The following KCNG2 variants were observed in gnomAD, a reference collection of about 807,000 sequenced individuals.
KCNG2 encodes voltage-gated potassium channel regulatory subunit KCNG2.
In KCNG2, 7 loss-of-function variants were observed where a neutral mutation model predicts 12.3. The ratio of observed to expected loss-of-function variants is 0.57; its 90% CI spans 0.32 to 1.07. The LOEUF is 1.07. KCNG2 is among the 50% of genes least tolerant of loss of function. The probability of loss-of-function intolerance (pLI) is 0.04; values close to 1 mark genes in which losing one functional copy is unlikely to be tolerated. For synonymous variants in KCNG2, 414 were observed against 351.4 expected, an observed-to-expected ratio of 1.18 and a Z score of -1.99; for missense variants, 703 against 726.0, an observed-to-expected ratio of 0.97 and a Z score of 0.36.
chr18:79,806,560 GA>G (rs2087451466), intron 1 of KCNG2, among the ~76,000 whole-genome samples: 2 of 152,234 alleles, frequency 1.3e-5, no homozygotes, highest in Non-Finnish European at 2.9e-5. Flanking sequence ...GCCTTGAGAA[GA>G]AAGCACTTTA....
Position 79,899,636 on chromosome 18 carries a change from CT to C in KCNG2, c.1225del (p.Ser409ArgfsTer115), listed in dbSNP as rs1282737907. The C allele has an allele frequency of 1.2e-6, 2 of 1,604,154 alleles. No individual in the cohort carries two copies. The highest frequency in any genetic ancestry group is 1.1e-5 in the South Asian group (1 of 89,572). On this transcript the variant is annotated frameshift_variant, in exon 4 of 4. Transcript: ENST00000316249. LOFTEE classifies it low-confidence loss of function (END_TRUNC). ...AFPVTSIFHT[F>X]SRSYSELKEQ... Reference sequence around the variant, plus strand: ...TCCCGGTCACCTCCATCTTCCACACCTTTTCGCGCTCCTACTCCGAGCTCAA... The same window carrying C: ...TCCCGGTCACCTCCATCTTCCACACCTTTCGCGCTCCTACTCCGAGCTCAA...
At chr18:79,876,006 C>T (rs1240841416) in intron 3 of KCNG2, 1 of 152,402 alleles carries the variant, frequency 6.6e-6, no homozygotes, top group Admixed American at 6.5e-5. Context: ...TGCCCAGCAG[C>T]CCAGTGGCAG....
intron 2 of KCNG2, among the ~76,000 whole-genome samples, chr18:79,861,530 C>T (rs527773396): frequency 1.6e-3 from 244 of 152,250 alleles, no homozygotes; most frequent in African/African-American, 5.5e-3. Context: ...CCACCTGCCT[C>T]GGCCTCCCAA....
Position 79,814,454 on chromosome 18 carries a change from C to T in KCNG2, c.-115+16440C>T, listed in dbSNP as rs1185592767. On this transcript the variant is annotated intron_variant, in intron 1 of 3. Transcript: ENST00000316249. ...ACACACAGCAGCTTGGATGAATATC[C>T]AGGGAATTATGCTGTGTGAAGAAAG... is the stretch of plus-strand genomic sequence containing the variant. 1.1e-4 allele frequency among the ~76,000 whole-genome samples: 17 copies of T among 152,296 alleles called. No individual in the cohort carries two copies. The East Asian group carries it at 3.3e-3, about 29-fold the overall frequency.
Position 79,828,792 on chromosome 18 carries a change from GTGTC to G in KCNG2, c.-114-27583_-114-27580del, listed in dbSNP as rs562708962. Among the ~76,000 whole-genome samples the G allele has an allele frequency of 7.6e-5, 10 of 132,146 alleles. No individual in the cohort carries two copies. In the South Asian group the frequency reaches 2.4e-3, roughly 31 times the overall value. The allele number at this position is 132,146 out of a possible 152,430, so 86.7% of individuals were successfully genotyped here. A position where few individuals can be genotyped will look rare whatever the true frequency, so the allele number is the denominator to read the frequency against. On this transcript the variant is annotated intron_variant, in intron 1 of 3. Coordinates refer to ENST00000316249, the MANE Select transcript of KCNG2 (RefSeq NM_012283.2). Reference sequence around the variant, plus strand: ...GTGTGTAACGTGTCTGTGTGTGCATGTGTCTGTGTGTGGGTGTCTATGTGTGCGT... The same window carrying G: ...GTGTGTAACGTGTCTGTGTGTGCATGTGTGTGTGGGTGTCTATGTGTGCGT...
intron 1 of KCNG2, among the ~76,000 whole-genome samples, chr18:79,818,650 C>T (rs1017621502): frequency 4.6e-5 from 7 of 152,220 alleles, no homozygotes; most frequent in Non-Finnish European, 8.8e-5. Context: ...GGAAACTGCT[C>T]GTTCAAGGGC....
rs191689296 is a variant in KCNG2 at position 79,887,324 on chromosome 18, G to A, written c.625-11716G>A. ...TGCTGAGACAGCAGAGGCGGAGGCC[G>A]CCCTGGGCCAGAGGCCACGGGACTG... On this transcript the variant is annotated intron_variant, in intron 3 of 3. Transcript: ENST00000316249. Among the ~76,000 whole-genome samples, 9 of 152,156 alleles carry A rather than the reference G, an allele frequency of 5.9e-5. No homozygotes were observed. The East Asian group carries it at 9.6e-4, about 16-fold the overall frequency.
chr18:79,853,348 C>T (rs1001656370), intron 1 of KCNG2, among the ~76,000 whole-genome samples: 1 of 152,128 alleles, frequency 6.6e-6, no homozygotes. Context: ...TTTGAGCAAA[C>T]GCCGAGCGTG....
chr18:79,868,854 CG>C (rs1568264051), intron 3 of KCNG2, among the ~76,000 whole-genome samples: 2 of 152,242 alleles, frequency 1.3e-5, no homozygotes, highest in African/African-American at 4.8e-5. Flanking sequence ...GCAGTGGGAC[CG>C]TAACTCAGTG....
chr18:79,857,007 C>T (rs1317619606), intron 2 of KCNG2, among the ~76,000 whole-genome samples: 2 of 146,316 alleles, frequency 1.4e-5, no homozygotes, highest in Admixed American at 6.8e-5. Context: ...TGGGCCAGCC[C>T]TCCGTCCCAG....
Position 79,873,369 on chromosome 18 carries a change from C to T in KCNG2, c.624+9078C>T, listed in dbSNP as rs144505258. Among the ~76,000 whole-genome samples, 834 of 151,928 alleles carry T rather than the reference C, an allele frequency of 5.5e-3. 11 individuals are homozygous for T. Among genetic ancestry groups the T allele is most frequent in the African/African-American group, 0.019 (794 of 41,446 alleles). ...GCCTCCCCAGGCCTCCCCCACACTC[C>T]CGTTCCCTCTGTCACTCCCCGTGCT... is the stretch of plus-strand genomic sequence containing the variant. On this transcript the variant is annotated intron_variant, in intron 3 of 3. Transcript: ENST00000316249.
At chr18:79,809,482 CGTT>C (rs2087475881) in intron 1 of KCNG2, among the ~76,000 whole-genome samples, 2 of 104,876 alleles carry the variant, frequency 1.9e-5, no homozygotes, top group Non-Finnish European at 4.2e-5. Flanking sequence ...CCACACTCCA[CGTT>C]ATGGGCCCAG....
chr18:79,897,413 C>T (rs3930649), intron 3 of KCNG2, among the ~76,000 whole-genome samples: 2,629 of 152,072 alleles, frequency 0.017, 78 homozygotes, highest in African/African-American at 0.06. Flanking sequence ...CCAGAATTTC[C>T]GTTTGGGTAT....
chr18:79,899,447 G>A lies in KCNG2; in HGVS notation c.1032G>A (p.Glu344=). ...TCGCGCCACTGGTGCACCTGGCCGAGCGCGAGCTGGGCGCGCGCCGCGACT... is the reference window on the plus strand; with the variant it reads ...TCGCGCCACTGGTGCACCTGGCCGAACGCGAGCTGGGCGCGCGCCGCGACT... ...ALFAPLVHLA[E]RELGARRDFS... The change falls in exon 4 of 4, where the codon GAG becomes GAA. Residue 344 remains glutamate, a synonymous_variant. Transcript: ENST00000316249. The A allele has an allele frequency of 6.3e-7, 1 of 1,598,450 alleles. No individual in the cohort carries two copies. The highest frequency in any genetic ancestry group is 8.5e-7 in the Non-Finnish European group (1 of 1,174,572).
chr18:79,823,430 T>C (rs1358504010), intron 1 of KCNG2, among the ~76,000 whole-genome samples: 1 of 152,200 alleles, frequency 6.6e-6, no homozygotes, highest in African/African-American at 2.4e-5. Context: ...CTGTGCCCCG[T>C]GTCGAGCGCT....
At chr18:79,891,298 A>G (rs1427945686) in intron 3 of KCNG2, among the ~76,000 whole-genome samples, 1 of 150,918 alleles carries the variant, frequency 6.6e-6, no homozygotes, top group Non-Finnish European at 1.5e-5. Flanking sequence ...TGGCACCATC[A>G]TGGCTTACTG....
intron 1 of KCNG2, among the ~76,000 whole-genome samples, chr18:79,855,405 C>T (rs1216093642): frequency 6.6e-6 from 1 of 152,154 alleles, no homozygotes; most frequent in Non-Finnish European, 1.5e-5. Flanking sequence ...TGTCTGCAGA[C>T]CTTGCGGGCT....
At chr18:79,863,503 G>A (rs1979301842) in intron 2 of KCNG2, among the ~76,000 whole-genome samples, 125 bp from the exon 3 acceptor site, 1 of 152,194 alleles carries the variant, frequency 6.6e-6, no homozygotes, top group Non-Finnish European at 1.5e-5. Flanking sequence ...GGAAGTGGGC[G>A]GGCGGAGGGG....
intron 1 of KCNG2, among the ~76,000 whole-genome samples, chr18:79,848,740 G>T (rs55697906): frequency 6.6e-6 from 1 of 152,120 alleles, no homozygotes; most frequent in Non-Finnish European, 1.5e-5. Flanking sequence ...TGTGTATTTC[G>T]CTGAAGAAGC....
Sources: allele counts gnomAD v4.1 joint callset (sites outside exome capture counted in the v4.1 genomes callset), GRCh38; gene constraint gnomAD v4.1.1; transcripts MANE v1.5; gene names NCBI Gene and HGNC (gene_info 2026-07-23, HGNC 2026-07-21).